Variants in SLC13A3 observed in about 807,000 individuals in gnomAD.
SLC13A3 encodes Na(+)/dicarboxylate cotransporter 3.
In SLC13A3, 40 loss-of-function variants were observed where a neutral mutation model predicts 59.0. That is an observed-to-expected ratio of 0.68 (90% CI 0.53 to 0.88). The LOEUF (loss-of-function observed/expected upper bound fraction) is 0.88, where lower values mean the gene tolerates loss of function less well. Ranked by LOEUF, SLC13A3 falls within the 40% of genes least tolerant of loss-of-function variation. The probability of loss-of-function intolerance (pLI) is 0.00; values close to 1 mark genes in which losing one functional copy is unlikely to be tolerated. For missense variants in SLC13A3, 699 were observed against 783.2 expected (o/e 0.89, Z 1.28); for synonymous variants, 317 against 330.3 (o/e 0.96, Z 0.44).
chr20:46,596,080 C>G, intron 5 of SLC13A3, 77 bp downstream of exon 5: 1 of 1,387,798 alleles, frequency 7.2e-7, no homozygotes, highest in Non-Finnish European at 9.9e-7. Context: ...AATACACATT[C>G]CCTGGATGTT....
chr20:46,596,131 C>T (rs1425085008), intron 5 of SLC13A3, 26 bp downstream of exon 5: 3 of 1,605,996 alleles, frequency 1.9e-6, no homozygotes, highest in Non-Finnish European at 2.6e-6. Context: ...AGAACCCTCC[C>T]CGCCGGTGGG....
At chr20:46,675,569 T>C (rs948528363) in intron 1 of SLC13A3, among the ~76,000 whole-genome samples, 7 of 151,382 alleles carry the variant, frequency 4.6e-5, no homozygotes, top group African/African-American at 7.3e-5. Context: ...TTCTTTCTTT[T>C]TTTTTTTTTA....
chr20:46,603,795 A>C (rs1404008363), intron 3 of SLC13A3, among the ~76,000 whole-genome samples: 2 of 151,972 alleles, frequency 1.3e-5, no homozygotes, highest in Non-Finnish European at 2.9e-5. Flanking sequence ...CCAGGCTGTA[A>C]AAAAACAAGC....
At chr20:46,662,047 A>G (rs1271999687) in intron 1 of SLC13A3, among the ~76,000 whole-genome samples, 1 of 152,144 alleles carries the variant, frequency 6.6e-6, no homozygotes, top group Non-Finnish European at 1.5e-5. Flanking sequence ...CTCTCATGTT[A>G]TTGAAAATTT....
intron 1 of SLC13A3, among the ~76,000 whole-genome samples, chr20:46,646,815 T>C (rs1568955349): frequency 2.0e-5 from 3 of 152,168 alleles, no homozygotes; most frequent in Admixed American, 6.5e-5. Context: ...AATATAATAT[T>C]ATGGCTGTGT....
intron 3 of SLC13A3, among the ~76,000 whole-genome samples, chr20:46,603,872 G>C (rs1013579659): frequency 5.3e-5 from 8 of 151,586 alleles, no homozygotes; most frequent in Admixed American, 3.9e-4. Context: ...GAGCTGGGTA[G>C]TCCCAGCTCT....
intron 1 of SLC13A3, among the ~76,000 whole-genome samples, chr20:46,630,682 A>G (rs973369731): frequency 5.9e-5 from 9 of 152,244 alleles, no homozygotes; most frequent in African/African-American, 1.4e-4. Context: ...AACTTAAACC[A>G]TAAGTGCCTC....
chr20:46,616,146 TC>T (rs2062551889), intron 1 of SLC13A3, among the ~76,000 whole-genome samples: 2 of 152,320 alleles, frequency 1.3e-5, no homozygotes, highest in East Asian at 3.9e-4. Flanking sequence ...TTTCAGTTTC[TC>T]AAATGAGGCA....
chr20:46,656,351 C>G (rs1477508712), upstream of SLC13A3, among the ~76,000 whole-genome samples: 6 of 93,840 alleles, frequency 6.4e-5, no homozygotes, highest in African/African-American at 2.3e-4. Flanking sequence ...ATATATTATA[C>G]TGTATATGAT....
intron 5 of SLC13A3, among the ~76,000 whole-genome samples, chr20:46,594,669 G>A (rs79459847): frequency 0.02 from 2,982 of 152,018 alleles, 42 homozygotes; most frequent in Non-Finnish European, 0.028. Flanking sequence ...GTGATAAAAA[G>A]ACATCTAAGG....
chr20:46,631,155 C>G (rs1230255782), intron 1 of SLC13A3, among the ~76,000 whole-genome samples: 1 of 152,188 alleles, frequency 6.6e-6, no homozygotes, highest in African/African-American at 2.4e-5. Context: ...TTCTGTCCCC[C>G]AGGGGACACG....
intron 2 of SLC13A3, among the ~76,000 whole-genome samples, chr20:46,612,132 T>TTTTTC (rs2062505149): frequency 1.4e-5 from 2 of 138,792 alleles, no homozygotes; most frequent in Non-Finnish European, 3.1e-5. Context: ...TGCTTTTTTT[T>TTTTTC]TTTTTTTTTT....
At chr20:46,659,114 T>C (rs1318607986) in intron 1 of SLC13A3, among the ~76,000 whole-genome samples, 1 of 152,204 alleles carries the variant, frequency 6.6e-6, no homozygotes, top group Non-Finnish European at 1.5e-5. Flanking sequence ...TCTAACATTC[T>C]CTGATATTTT....
At chr20:46,616,528 C>T (rs2062556534) in intron 1 of SLC13A3, among the ~76,000 whole-genome samples, 1 of 152,136 alleles carries the variant, frequency 6.6e-6, no homozygotes, top group Non-Finnish European at 1.5e-5. Context: ...ATGTCAGAGC[C>T]GTTTCCAGAA....
intron 1 of SLC13A3, among the ~76,000 whole-genome samples, chr20:46,684,071 T>C (rs2063167173): frequency 6.6e-6 from 1 of 152,178 alleles, no homozygotes; most frequent in Non-Finnish European, 1.5e-5. Context: ...TCCCATCTCA[T>C]GTTCTGCTCC....
At chr20:46,674,604 CGTGT>C (rs58582046), upstream of SLC13A3, among the ~76,000 whole-genome samples, 1,138 of 127,912 alleles carry the variant, frequency 8.9e-3, 9 homozygotes, top group Non-Finnish European at 0.012. Context: ...CGCGCGCGCG[CGTGT>C]GTGTGTGTGT....
At chr20:46,644,402 A>G (rs1289753832) in intron 1 of SLC13A3, among the ~76,000 whole-genome samples, 1 of 152,232 alleles carries the variant, frequency 6.6e-6, no homozygotes, top group Non-Finnish European at 1.5e-5. Flanking sequence ...CCATTTCAAC[A>G]TAGTCCTTTG....
intron 1 of SLC13A3, among the ~76,000 whole-genome samples, chr20:46,630,535 C>T (rs1208225726): frequency 6.6e-6 from 1 of 152,224 alleles, no homozygotes; most frequent in African/African-American, 2.4e-5. Context: ...GTCAGCTCTT[C>T]TTCATATGCT....
intron 6 of SLC13A3, among the ~76,000 whole-genome samples, chr20:46,589,565 A>G (rs1028241451): frequency 6.6e-6 from 1 of 152,238 alleles, no homozygotes; most frequent in South Asian, 2.1e-4. Context: ...CACAGACTCA[A>G]TCACAAATGG....
Sources: allele counts gnomAD v4.1 joint callset (sites outside exome capture counted in the v4.1 genomes callset), GRCh38; gene constraint gnomAD v4.1.1; transcripts MANE v1.5; gene names NCBI Gene and HGNC (gene_info 2026-07-23, HGNC 2026-07-21).